The following ABI2 variants were observed in gnomAD, a reference collection of about 807,000 sequenced individuals.
ABI2 encodes the protein abelson interactor 2.
In ABI2, 25 loss-of-function variants were observed where a neutral mutation model predicts 59.2. That is an observed-to-expected ratio of 0.42 (90% CI 0.31 to 0.59). ABI2 has a LOEUF of 0.59. Among genes scored for constraint, ABI2 ranks in the 20% least tolerant of loss-of-function variants. The pLI is 0.14. For missense variants in ABI2, 545 were observed against 681.8 expected, an observed-to-expected ratio of 0.80 and a Z score of 2.23; for synonymous variants, 213 against 235.5, an observed-to-expected ratio of 0.90 and a Z score of 0.87.
chr2:203,345,128 T>C (rs766705269), intron 1 of ABI2, among the ~76,000 whole-genome samples: 1 of 152,198 alleles, frequency 6.6e-6, no homozygotes, highest in Non-Finnish European at 1.5e-5. Context: ...CTGCTCACTC[T>C]TTGGGTCCGC....
At chr2:203,402,135 A>G (rs1172199297) in intron 8 of ABI2, among the ~76,000 whole-genome samples, 2 of 152,108 alleles carry the variant, frequency 1.3e-5, no homozygotes, top group Non-Finnish European at 2.9e-5. Flanking sequence ...CCTGAGTTCA[A>G]GTGATTCTTA....
chr2:203,432,104 T>A lies in ABI2; in HGVS notation c.*4752T>A, dbSNP rs1049011140. 6.6e-6 allele frequency: 1 copy of A among 152,214 alleles called. No homozygotes were observed. Among genetic ancestry groups the A allele is most frequent in the African/African-American group, 2.4e-5 (1 of 41,458 alleles). The allele number at this position is 152,214 out of a possible 1,614,324, so 9.4% of individuals were successfully genotyped here. On this transcript the variant is annotated 3_prime_UTR_variant, in exon 12 of 12. Coordinates refer to ENST00000261018, the MANE Select transcript of ABI2 (RefSeq NM_001375670.1). ...TGGAGGAACATCACTTTTTAATTTT[T>A]TAATTGTATTTGGAATTGTTGCCGT...
At chr2:203,328,731 C>A in intron 1 of ABI2, 100 bp downstream of exon 1, 1 of 667,300 alleles carries the variant, frequency 1.5e-6, no homozygotes, top group Non-Finnish European at 2.3e-6. Flanking sequence ...CACGGCCCAG[C>A]GGAGCCCCCG....
chr2:203,333,973 C>G (rs1272771744), intron 1 of ABI2, among the ~76,000 whole-genome samples: 3 of 148,302 alleles, frequency 2.0e-5, no homozygotes, highest in Non-Finnish European at 4.4e-5. Context: ...TGGAGTCTCA[C>G]TCCTTTGCCC....
At chr2:203,408,833 CTTTTTTT>C (rs1156536730) in intron 9 of ABI2, among the ~76,000 whole-genome samples, 2 of 87,204 alleles carry the variant, frequency 2.3e-5, no homozygotes, top group Non-Finnish European at 4.8e-5. Flanking sequence ...CTTCTCCTTT[CTTTTTTT>C]TTTTTTTTTG....
rs569708776 is a variant in ABI2, at chr2:203,354,976, C to G, written c.118-11901C>G. 7.2e-5 allele frequency among the ~76,000 whole-genome samples: 11 copies of G among 152,300 alleles called. No individual in the cohort carries two copies. The South Asian group carries it at 2.1e-3, about 29-fold the overall frequency. ...CTAATATCAGTTTCATCCATCCTCC[C>G]CACAAGAAGACATAAGTGTGTCCCC... On this transcript the variant is annotated intron_variant, in intron 1 of 11. Coordinates refer to ENST00000261018, the MANE Select transcript of ABI2 (RefSeq NM_001375670.1).
intron 4 of ABI2, among the ~76,000 whole-genome samples, chr2:203,387,062 T>G (rs1237173069): frequency 1.6e-5 from 2 of 121,530 alleles, no homozygotes; most frequent in Admixed American, 8.4e-5. Context: ...CTTCCTTTTT[T>G]TTTTTTTTTT....
intron 7 of ABI2, 81 bp from the exon 8 acceptor site, chr2:203,396,704 T>A: frequency 7.4e-7 from 1 of 1,350,012 alleles, no homozygotes; most frequent in Non-Finnish European, 9.6e-7. Flanking sequence ...ATATCTAACA[T>A]TAAATACTCT....
At position 203,427,388 on chromosome 2, in the gene ABI2, T is replaced by TC. The variant is rs2098449034; in HGVS notation, c.*37dup. On this transcript the variant is annotated 3_prime_UTR_variant, in exon 12 of 12. Coordinates refer to ENST00000261018, the MANE Select transcript of ABI2 (RefSeq NM_001375670.1). ...GGCTGTGCTTGCCTCACAGGAATAG[T>TC]CAGGTCTTCCCAGATTATCTGAAGG... is the stretch of plus-strand genomic sequence containing the variant. 3 of 1,578,364 alleles carry TC rather than the reference T, an allele frequency of 1.9e-6. No homozygotes were observed. The highest frequency in any genetic ancestry group is 1.7e-5 in the Admixed American group (1 of 58,576).
At chr2:203,422,514 G>A (rs971343610) in intron 11 of ABI2, among the ~76,000 whole-genome samples, 1 of 152,130 alleles carries the variant, frequency 6.6e-6, no homozygotes, top group Admixed American at 6.5e-5. Context: ...GTGAGGGGAA[G>A]GCAAAGATGA....
chr2:203,403,644 C>T (rs182909733), intron 9 of ABI2, among the ~76,000 whole-genome samples: 8 of 61,396 alleles, frequency 1.3e-4, no homozygotes, highest in Admixed American at 9.3e-4. Context: ...TGATCATTTT[C>T]TTATATCTTA....
At chr2:203,356,131 G>A (rs954419300) in intron 1 of ABI2, among the ~76,000 whole-genome samples, 4 of 151,568 alleles carry the variant, frequency 2.6e-5, no homozygotes, top group East Asian at 3.9e-4. Context: ...TTCATTAATT[G>A]TACTGCACAC....
intron 1 of ABI2, among the ~76,000 whole-genome samples, chr2:203,344,462 T>G (rs1314166276): frequency 2.6e-5 from 4 of 151,952 alleles, no homozygotes; most frequent in Non-Finnish European, 5.9e-5. Context: ...GCCTCCTGGG[T>G]TCAAGCGATT....
chr2:203,356,134 C>G (rs986254217), intron 1 of ABI2, among the ~76,000 whole-genome samples: 3 of 151,948 alleles, frequency 2.0e-5, no homozygotes, highest in Non-Finnish European at 4.4e-5. Context: ...ATTAATTGTA[C>G]TGCACACTTA....
rs180837635 is a variant in ABI2 at position 203,431,404 on chromosome 2, C to T, written c.*4052C>T. 5.2e-5 allele frequency: 8 copies of T among 152,656 alleles called. No individual in the cohort carries two copies. In the South Asian group the frequency reaches 8.3e-4, roughly 16 times the overall value. The allele number at this position is 152,656 out of a possible 1,614,324, so 9.5% of individuals were successfully genotyped here. A position where few individuals can be genotyped will look rare whatever the true frequency, so the allele number is the denominator to read the frequency against. ...CAGGAATATACGTGAAAAGACATGC[C>T]ATGTTTTGGTAAATACCATCAGAGT... is the stretch of plus-strand genomic sequence containing the variant. On this transcript the variant is annotated 3_prime_UTR_variant, in exon 12 of 12. Coordinates refer to ENST00000261018, the MANE Select transcript of ABI2 (RefSeq NM_001375670.1).
chr2:203,405,388 A>G (rs548431993), intron 9 of ABI2, among the ~76,000 whole-genome samples: 1 of 152,230 alleles, frequency 6.6e-6, no homozygotes, highest in South Asian at 2.1e-4. Flanking sequence ...TATATTCATT[A>G]GAATATTATT....
intron 1 of ABI2, among the ~76,000 whole-genome samples, chr2:203,353,679 G>T (rs565705748): frequency 6.6e-6 from 1 of 152,180 alleles, no homozygotes; most frequent in Admixed American, 6.5e-5. Context: ...TATATTTTTA[G>T]TAGAGATGGG....
chr2:203,335,883 C>A (rs191135510), intron 1 of ABI2, among the ~76,000 whole-genome samples: 1 of 152,084 alleles, frequency 6.6e-6, no homozygotes, highest in Non-Finnish European at 1.5e-5. Flanking sequence ...TTATGAATTA[C>A]AATAAACTTA....
At chr2:203,403,712 C>T (rs1027544064) in intron 9 of ABI2, among the ~76,000 whole-genome samples, 1 of 135,928 alleles carries the variant, frequency 7.4e-6, no homozygotes, top group Non-Finnish European at 1.6e-5. Flanking sequence ...CTTAGGTTTT[C>T]TGACTCTAAG....
Sources: allele counts gnomAD v4.1 joint callset (sites outside exome capture counted in the v4.1 genomes callset), GRCh38; gene constraint gnomAD v4.1.1; transcripts MANE v1.5; gene names NCBI Gene and HGNC (gene_info 2026-07-23, HGNC 2026-07-21).